BLNK: variants seen among roughly 807,000 people sequenced by gnomAD.
BLNK encodes the protein B cell linker.
In BLNK, 29 loss-of-function variants were observed where a neutral mutation model predicts 73.5. The observed-to-expected ratio is 0.39, with a 90% confidence interval of 0.29 to 0.54. The LOEUF is 0.54. BLNK is among the 20% of genes least tolerant of loss of function. The probability of loss-of-function intolerance (pLI) is 0.61; values close to 1 mark genes in which losing one functional copy is unlikely to be tolerated. For missense variants in BLNK, 460 were observed against 562.8 expected, an observed-to-expected ratio of 0.82 and a Z score of 1.85; for synonymous variants, 176 against 200.8, an observed-to-expected ratio of 0.88 and a Z score of 1.04.
intron 6 of BLNK, among the ~76,000 whole-genome samples, chr10:96,218,275 T>G (rs149599923): frequency 1.6e-3 from 237 of 152,300 alleles, no homozygotes; most frequent in African/African-American, 5.1e-3. Context: ...CTTTACATGT[T>G]TTTTTTCTCA....
In BLNK at chr10:96,189,465, G is replaced by T; in HGVS notation, c.*2508C>A. 1.6e-6 allele frequency: 1 copy of T among 626,302 alleles called. No homozygotes were observed. Among genetic ancestry groups the T allele is most frequent in the East Asian group, 3.7e-5 (1 of 26,990 alleles). 38.8% of individuals were successfully genotyped at this position (626,302 alleles called of 1,614,324 possible). A position where few individuals can be genotyped will look rare whatever the true frequency, so the allele number is the denominator to read the frequency against. ...GAACTTGGCTTCCACTTTGGGAAGA[G>T]AACCACCTTTTTCTATACTTGCTTG... On this transcript the variant is annotated 3_prime_UTR_variant, in exon 17 of 17. Transcript: ENST00000224337.
rs2083294414 is a variant in BLNK, at chr10:96,189,346, G to GTT, written c.*2625_*2626dup. On this transcript the variant is annotated 3_prime_UTR_variant, in exon 17 of 17. Coordinates refer to ENST00000224337, the MANE Select transcript of BLNK (RefSeq NM_013314.4). Reference sequence around the variant, plus strand: ...TAAGATGGAAAAATGTTAACAAATTGTTTAAACTATTTTCTAAAGAGACTT... The same window carrying GTT: ...TAAGATGGAAAAATGTTAACAAATTGTTTTTAAACTATTTTCTAAAGAGACTT... The GTT allele has an allele frequency of 3.6e-6, 2 of 552,756 alleles. No homozygotes were observed. The highest frequency in any genetic ancestry group is 2.9e-5 in the South Asian group (2 of 68,490). The allele number at this position is 552,756 out of a possible 1,614,324, so 34.2% of individuals were successfully genotyped here. A position where few individuals can be genotyped will look rare whatever the true frequency, so the allele number is the denominator to read the frequency against.
intron 11 of BLNK, among the ~76,000 whole-genome samples, chr10:96,205,973 A>T (rs147835963): frequency 2.6e-5 from 4 of 152,332 alleles, no homozygotes; most frequent in African/African-American, 9.6e-5. Context: ...AGAGGCTGCA[A>T]GGAATGGAAG....
At chr10:96,219,551 G>T (rs587605498) in intron 6 of BLNK, among the ~76,000 whole-genome samples, 2 of 152,278 alleles carry the variant, frequency 1.3e-5, no homozygotes, top group South Asian at 4.2e-4. Flanking sequence ...TAGGGAAGTT[G>T]GAAGCTCCAG....
At chr10:96,261,460 A>G (rs1554912809) in intron 1 of BLNK, among the ~76,000 whole-genome samples, 1 of 152,128 alleles carries the variant, frequency 6.6e-6, no homozygotes, top group African/African-American at 2.4e-5. Flanking sequence ...AGGTATTTTC[A>G]TGAATAGCTT....
Position 96,191,895 on chromosome 10 carries a change from A to C in BLNK, c.*78T>G. ...GGATGATTCATAATCCAAAATATGAAGTTTTGGGACTTTTTCTCAAAAGGA... is the reference window on the plus strand; with the variant it reads ...GGATGATTCATAATCCAAAATATGACGTTTTGGGACTTTTTCTCAAAAGGA... On this transcript the variant is annotated 3_prime_UTR_variant, in exon 17 of 17. Transcript: ENST00000224337. The C allele has an allele frequency of 6.4e-7, 1 of 1,567,584 alleles. No individual in the cohort carries two copies. The highest frequency in any genetic ancestry group is 8.8e-7 in the Non-Finnish European group (1 of 1,140,970).
chr10:96,195,026 C>G (rs1214432809), intron 16 of BLNK, among the ~76,000 whole-genome samples: 5 of 152,100 alleles, frequency 3.3e-5, no homozygotes, highest in African/African-American at 1.2e-4. Context: ...GTCTCGGCCT[C>G]CCAAAGTGCT....
rs782763017 is a variant in BLNK at position 96,215,272 on chromosome 10, CT to C, written c.676+48del. Reference sequence around the variant, plus strand: ...TACTCTTCATAGTTGATCTGTTTTTCTTATTTGAAATAGACGTAAAACCAAA... The same window carrying C: ...TACTCTTCATAGTTGATCTGTTTTTCTATTTGAAATAGACGTAAAACCAAA... On this transcript the variant is annotated intron_variant, in intron 8 of 16. Transcript: ENST00000224337. The C allele has an allele frequency of 2.6e-6, 4 of 1,546,204 alleles. No individual in the cohort carries two copies. The South Asian group carries it at 4.5e-5, about 17-fold the overall frequency.
intron 11 of BLNK, among the ~76,000 whole-genome samples, chr10:96,206,550 C>A (rs79869459): frequency 5.0e-3 from 631 of 126,738 alleles, no homozygotes; most frequent in Non-Finnish European, 6.4e-3. Context: ...GACCCTAACT[C>A]AAAAAAAAAA....
At chr10:96,271,322 A>G in intron 1 of BLNK, 30 bp downstream of exon 1, 2 of 1,610,914 alleles carry the variant, frequency 1.2e-6, no homozygotes, top group Non-Finnish European at 1.7e-6. Context: ...AAAGGAGATG[A>G]AGAAGGGTAT....
intron 1 of BLNK, among the ~76,000 whole-genome samples, chr10:96,261,025 T>C (rs553561993): frequency 1.3e-5 from 2 of 152,026 alleles, no homozygotes; most frequent in African/African-American, 4.8e-5. Context: ...TTGTATTTTT[T>C]GTAGAGACAG....
intron 1 of BLNK, among the ~76,000 whole-genome samples, chr10:96,251,930 CT>C (rs1843301593): frequency 6.6e-6 from 1 of 152,146 alleles, no homozygotes; most frequent in African/African-American, 2.4e-5. Flanking sequence ...AAGTGCCTTA[CT>C]TTAGAATCCG....
rs925237803 is a variant in BLNK, at chr10:96,191,022, T to A, written c.*951A>T. Among the ~76,000 whole-genome samples the A allele has an allele frequency of 6.6e-6, 1 of 152,160 alleles. No homozygotes were observed. Among genetic ancestry groups the A allele is most frequent in the Admixed American group, 6.5e-5 (1 of 15,276 alleles). On this transcript the variant is annotated 3_prime_UTR_variant, in exon 17 of 17. Coordinates refer to ENST00000224337, the MANE Select transcript of BLNK (RefSeq NM_013314.4). ...ATCCCCACGTGCCATGGGAGGGACC[T>A]GGTGGGAGGTAACTGAATCACGCGG...
At chr10:96,213,564 CG>C (rs2083995744) in intron 8 of BLNK, among the ~76,000 whole-genome samples, 1 of 151,924 alleles carries the variant, frequency 6.6e-6, no homozygotes. Context: ...AAGCAAGACC[CG>C]TGACATACAG....
chr10:96,204,656 T>C, intron 11 of BLNK, 40 bp from the exon 12 acceptor site: 1 of 1,599,814 alleles, frequency 6.3e-7, no homozygotes, highest in Middle Eastern at 1.7e-4. Flanking sequence ...TAGAGTGAAA[T>C]GTCTGTCCTC....
chr10:96,266,425 C>T (rs6584061), intron 1 of BLNK, among the ~76,000 whole-genome samples: 125,792 of 152,220 alleles, frequency 0.83, 52,975 homozygotes, highest in Middle Eastern at 0.93. Context: ...GACATGTGGA[C>T]TCTGGTTTAG....
In BLNK at chr10:96,192,181, A is replaced by C. The variant is rs1042063724; in HGVS notation, c.1252-89T>G. 2.0e-5 allele frequency: 31 copies of C among 1,554,180 alleles called. No homozygotes were observed. The African/African-American group carries it at 3.3e-4, about 16-fold the overall frequency. The stretch of plus-strand genomic sequence containing the variant: ...TCCCATCTTCTCTCATTCTCAAGTT[A>C]GTAAAAGTTATTACACCCCAGCTGA... On this transcript the variant is annotated intron_variant, in intron 16 of 16. Transcript: ENST00000224337.
intron 1 of BLNK, among the ~76,000 whole-genome samples, chr10:96,267,035 C>A (rs547067534): frequency 2.8e-4 from 42 of 152,304 alleles, no homozygotes; most frequent in Non-Finnish European, 5.6e-4. Flanking sequence ...TAGTAACTGG[C>A]CATTAGAATC....
At chr10:96,228,532 C>T (rs1306204449) in intron 4 of BLNK, among the ~76,000 whole-genome samples, 1 of 152,194 alleles carries the variant, frequency 6.6e-6, no homozygotes, top group Admixed American at 6.5e-5. Flanking sequence ...GCTGAGATTA[C>T]AGGCATGAGC....
Sources: allele counts gnomAD v4.1 joint callset (sites outside exome capture counted in the v4.1 genomes callset), GRCh38; gene constraint gnomAD v4.1.1; transcripts MANE v1.5; gene names NCBI Gene and HGNC (gene_info 2026-07-23, HGNC 2026-07-21).